Variants in STK39 observed in about 807,000 individuals in gnomAD.
STK39 encodes the protein STE20/SPS1-related proline-alanine-rich protein kinase.
In STK39, 20 loss-of-function variants were observed where a neutral mutation model predicts 77.8. The ratio of observed to expected loss-of-function variants is 0.26; its 90% CI spans 0.18 to 0.37. The LOEUF (loss-of-function observed/expected upper bound fraction) is 0.37. Ranked by LOEUF, STK39 falls within the 10% of genes least tolerant of loss-of-function variation. The pLI, the probability that STK39 is intolerant of heterozygous loss-of-function variation, is 1.00. For synonymous variants in STK39, 246 were observed against 234.1 expected, an observed-to-expected ratio of 1.05 and a Z score of -0.47; for missense variants, 479 against 656.5, an observed-to-expected ratio of 0.73 and a Z score of 2.95.
chr2:167,975,875 T>G (rs1221358835), intron 16 of STK39, among the ~76,000 whole-genome samples: 1 of 152,150 alleles, frequency 6.6e-6, no homozygotes, highest in Admixed American at 6.5e-5. Context: ...AAAGGACTGG[T>G]CATGATAGGA....
At chr2:168,143,011 T>C (rs1688035933) in intron 5 of STK39, among the ~76,000 whole-genome samples, 1 of 152,204 alleles carries the variant, frequency 6.6e-6, no homozygotes, top group African/African-American at 2.4e-5. Flanking sequence ...TGAAAAGCTG[T>C]CCTTGTTTCC....
In STK39 at chr2:168,099,442, A is replaced by G. The variant is rs550112412; in HGVS notation, c.1090-24211T>C. 4.2e-3 allele frequency among the ~76,000 whole-genome samples: 641 copies of G among 152,298 alleles called. 1 individual carries two copies. The highest frequency in any genetic ancestry group is 6.2e-3 in the Non-Finnish European group (424 of 68,026). Reference sequence around the variant, plus strand: ...CTTTTATGGTCCCAAGAAGAGTCCTATGGCTTCATTCCCTAACTACTTCTA... The same window carrying G: ...CTTTTATGGTCCCAAGAAGAGTCCTGTGGCTTCATTCCCTAACTACTTCTA... On this transcript the variant is annotated intron_variant, in intron 10 of 17. Transcript: ENST00000355999.
intron 16 of STK39, among the ~76,000 whole-genome samples, chr2:167,979,591 T>C (rs1285162651): frequency 3.3e-5 from 5 of 152,234 alleles, no homozygotes; most frequent in African/African-American, 1.2e-4. Flanking sequence ...CAGGTGTTTC[T>C]TAATCCGAGA....
At chr2:168,072,150 A>C (rs1373720155) in intron 12 of STK39, among the ~76,000 whole-genome samples, 2 of 152,200 alleles carry the variant, frequency 1.3e-5, no homozygotes, top group Non-Finnish European at 2.9e-5. Context: ...AGTTGCAAAA[A>C]TATTTTCTAG....
intron 1 of STK39, among the ~76,000 whole-genome samples, chr2:168,205,089 T>C (rs1689706992): frequency 6.6e-6 from 1 of 152,218 alleles, no homozygotes; most frequent in African/African-American, 2.4e-5. Context: ...ATAAAGCAAG[T>C]ATGGTAAATA....
chr2:168,184,513 G>C lies in STK39; in HGVS notation c.209-2423C>G, dbSNP rs1041952543. On this transcript the variant is annotated intron_variant, in intron 1 of 17. Transcript: ENST00000355999. Reference sequence around the variant, plus strand: ...AAGTTAAAGGTGGAAAGGCACCTTAGAGAGCATCAAGTCCAACCCACCCCC... The same window carrying C: ...AAGTTAAAGGTGGAAAGGCACCTTACAGAGCATCAAGTCCAACCCACCCCC... Among the ~76,000 whole-genome samples the C allele has an allele frequency of 3.0e-5, 4 of 135,514 alleles. No individual in the cohort carries two copies. The Admixed American group carries it at 3.0e-4, about 10-fold the overall frequency. 88.9% of individuals were successfully genotyped at this position (135,514 alleles called of 152,430 possible).
chr2:168,075,366 C>A, intron 10 of STK39, 135 bp from the exon 11 acceptor site: 3 of 1,220,898 alleles, frequency 2.5e-6, no homozygotes, highest in Admixed American at 2.2e-5. Context: ...GGATAGCTAG[C>A]GGTTAAGATC....
intron 12 of STK39, among the ~76,000 whole-genome samples, chr2:168,072,666 C>T (rs1421066274): frequency 6.6e-6 from 1 of 152,166 alleles, no homozygotes; most frequent in Non-Finnish European, 1.5e-5. Flanking sequence ...TACATATTTG[C>T]TGAATAGTTA....
intron 12 of STK39, among the ~76,000 whole-genome samples, chr2:168,071,080 T>C (rs966407317): frequency 1.3e-5 from 2 of 152,144 alleles, no homozygotes; most frequent in South Asian, 2.1e-4. Flanking sequence ...GGAGGTCAAA[T>C]AGCCCCTCAC....
At chr2:167,991,877 T>C (rs1683708334) in intron 16 of STK39, among the ~76,000 whole-genome samples, 1 of 152,234 alleles carries the variant, frequency 6.6e-6, no homozygotes, top group South Asian at 2.1e-4. Context: ...CAAGGTCTTG[T>C]CTAAGGATAC....
At chr2:168,165,640 T>TAATA (rs1465238324) in intron 3 of STK39, among the ~76,000 whole-genome samples, 1 of 151,428 alleles carries the variant, frequency 6.6e-6, no homozygotes, top group Non-Finnish European at 1.5e-5. Context: ...AAACAATGAC[T>TAATA]AATAAGACTG....
chr2:168,161,151 C>A (rs138191591), intron 5 of STK39, among the ~76,000 whole-genome samples: 4 of 152,082 alleles, frequency 2.6e-5, no homozygotes, highest in African/African-American at 4.8e-5. Context: ...AGACTTTCAA[C>A]GACATGGGTA....
At chr2:168,229,357 C>G (rs2105257038) in intron 1 of STK39, among the ~76,000 whole-genome samples, 1 of 150,862 alleles carries the variant, frequency 6.6e-6, no homozygotes, top group East Asian at 1.9e-4. Flanking sequence ...TGCATTCCAG[C>G]CTGGGTGACA....
intron 16 of STK39, among the ~76,000 whole-genome samples, chr2:167,972,517 T>A (rs1692376929): frequency 6.6e-6 from 1 of 152,184 alleles, no homozygotes; most frequent in African/African-American, 2.4e-5. Flanking sequence ...AGGGTTCAAT[T>A]CCTGGCTTCA....
intron 16 of STK39, among the ~76,000 whole-genome samples, chr2:167,986,321 T>C (rs903308100): frequency 3.3e-5 from 5 of 152,194 alleles, no homozygotes; most frequent in Non-Finnish European, 5.9e-5. Flanking sequence ...GGGAATTAAA[T>C]CATGCTGAAA....
chr2:168,029,759 C>A (rs1276652140), intron 14 of STK39, among the ~76,000 whole-genome samples: 1 of 152,188 alleles, frequency 6.6e-6, no homozygotes, highest in Non-Finnish European at 1.5e-5. Flanking sequence ...AGACATAGAT[C>A]TTTCCCCTTA....
chr2:168,196,420 T>A (rs943587187), intron 1 of STK39, among the ~76,000 whole-genome samples: 2 of 152,214 alleles, frequency 1.3e-5, no homozygotes, highest in Non-Finnish European at 2.9e-5. Flanking sequence ...CCCAACACTT[T>A]GGGAGGCCAA....
chr2:168,147,188 G>A (rs556682762), intron 5 of STK39, among the ~76,000 whole-genome samples: 3 of 152,312 alleles, frequency 2.0e-5, no homozygotes, highest in Admixed American at 1.3e-4. Context: ...AATCCTAAAT[G>A]TCATATTTAT....
At position 168,114,149 on chromosome 2, in the gene STK39, C is replaced by T. The variant is rs536801073; in HGVS notation, c.1089+15392G>A. Among the ~76,000 whole-genome samples the T allele has an allele frequency of 2.0e-5, 3 of 152,290 alleles. No homozygotes were observed. The South Asian group carries it at 6.2e-4, about 32-fold the overall frequency. On this transcript the variant is annotated intron_variant, in intron 10 of 17. Transcript: ENST00000355999. ...TAATTCAGAGTCCTTAAGGAAACTT[C>T]TAGGACTGTGTATGTTGGCAGAAGA...
Sources: allele counts gnomAD v4.1 joint callset (sites outside exome capture counted in the v4.1 genomes callset), GRCh38; gene constraint gnomAD v4.1.1; transcripts MANE v1.5; gene names NCBI Gene and HGNC (gene_info 2026-07-23, HGNC 2026-07-21).